Variants in BMPER observed in about 807,000 individuals in gnomAD.
BMPER encodes the protein BMP binding endothelial regulator, also known as BMP-binding endothelial regulator protein.
BMPER carries 45 observed loss-of-function variants against 87.3 expected under a neutral mutation model. The observed-to-expected ratio is 0.52, with a 90% CI of 0.41 to 0.66. The LOEUF (loss-of-function observed/expected upper bound fraction) is 0.66. BMPER is among the 30% of genes least tolerant of loss of function. The pLI is 0.00. For missense variants in BMPER, 784 were observed against 867.5 expected, an observed-to-expected ratio of 0.90 and a Z score of 1.21; for synonymous variants, 326 against 316.2, an observed-to-expected ratio of 1.03 and a Z score of -0.33.
intron 13 of BMPER, among the ~76,000 whole-genome samples, chr7:34,126,229 G>A (rs188626241): frequency 1.3e-5 from 2 of 152,206 alleles, no homozygotes; most frequent in Non-Finnish European, 2.9e-5. Flanking sequence ...TGTTCCAGAT[G>A]ATGAGCATGG....
At chr7:34,139,290 T>C (rs189832957) in intron 13 of BMPER, among the ~76,000 whole-genome samples, 6 of 152,352 alleles carry the variant, frequency 3.9e-5, no homozygotes, top group Admixed American at 1.3e-4. Flanking sequence ...ATCAAGAGGC[T>C]GCCAAAATAC....
chr7:34,126,957 A>G (rs918336508), intron 13 of BMPER, among the ~76,000 whole-genome samples: 2 of 152,254 alleles, frequency 1.3e-5, no homozygotes, highest in African/African-American at 4.8e-5. Context: ...GAGGTACCTT[A>G]CAATGATAGC....
At chr7:34,117,084 A>G (rs1465598165) in intron 13 of BMPER, among the ~76,000 whole-genome samples, 1 of 152,184 alleles carries the variant, frequency 6.6e-6, no homozygotes, top group Non-Finnish European at 1.5e-5. Flanking sequence ...GACAATAACA[A>G]TTATTTAAGG....
rs554470427 is a variant in BMPER at position 33,924,850 on chromosome 7, C to T, written c.220-12439C>T. On this transcript the variant is annotated intron_variant, in intron 2 of 14. Coordinates refer to ENST00000649409, the MANE Select transcript of BMPER (RefSeq NM_001365308.1). ...CTAATTTTTGTATTTTCAGTAGAGA[C>T]GGGGTTTCACCATGTTGCCCAGGCT... 3.0e-3 allele frequency among the ~76,000 whole-genome samples: 464 copies of T among 152,140 alleles called. 1 individual carries two copies. The highest frequency in any genetic ancestry group is 4.1e-3 in the Non-Finnish European group (282 of 67,988).
At chr7:34,098,391 T>C (rs1356484280) in intron 13 of BMPER, among the ~76,000 whole-genome samples, 4 of 152,114 alleles carry the variant, frequency 2.6e-5, no homozygotes, top group Admixed American at 1.3e-4. Context: ...TCTGTAAAAA[T>C]CTGCTTCCTT....
At chr7:34,063,966 C>T (rs911654365) in intron 11 of BMPER, among the ~76,000 whole-genome samples, 33 of 152,322 alleles carry the variant, frequency 2.2e-4, no homozygotes, top group African/African-American at 7.7e-4. Flanking sequence ...TGTTGTCAGG[C>T]AGGATCACTG....
chr7:34,030,375 A>G lies in BMPER; in HGVS notation c.577-15931A>G, dbSNP rs76993342. ...CAGAATATGTTCAAGTGCCATGGCA[A>G]AAGGGTTCTATGGTCAAATAAGTTT... On this transcript the variant is annotated intron_variant, in intron 6 of 14. Coordinates refer to ENST00000649409, the MANE Select transcript of BMPER (RefSeq NM_001365308.1). 1.9e-3 allele frequency among the ~76,000 whole-genome samples: 286 copies of G among 152,234 alleles called. 2 individuals carry two copies. Among genetic ancestry groups the G allele is most frequent in the African/African-American group, 6.5e-3 (269 of 41,578 alleles).
upstream of BMPER, chr7:33,905,419 G>GCCCCCCCCCCCCCC: frequency 3.6e-5 from 4 of 110,380 alleles, no homozygotes; most frequent in Non-Finnish European, 3.6e-5. Flanking sequence ...CTCCCCGGGC[G>GCCCCCCCCCCCCCC]CCCCCACACC....
intron 6 of BMPER, among the ~76,000 whole-genome samples, chr7:34,001,563 C>CTT (rs34700644): frequency 1.4e-5 from 2 of 138,610 alleles, no homozygotes; most frequent in Non-Finnish European, 1.6e-5. Flanking sequence ...AATCTGCTTT[C>CTT]TTTTTTTTTT....
intron 13 of BMPER, among the ~76,000 whole-genome samples, chr7:34,093,014 G>A (rs1789431802): frequency 6.6e-6 from 1 of 152,190 alleles, no homozygotes. Context: ...AGTCCACACA[G>A]GACTACTCTC....
At chr7:33,914,702 A>AT (rs1585630562) in intron 2 of BMPER, among the ~76,000 whole-genome samples, 1 of 152,174 alleles carries the variant, frequency 6.6e-6, no homozygotes, top group Non-Finnish European at 1.5e-5. Flanking sequence ...CTAAATTGAG[A>AT]TTTTAAAAAA....
intron 6 of BMPER, among the ~76,000 whole-genome samples, chr7:33,990,182 A>G (rs2127925077): frequency 6.7e-6 from 1 of 150,360 alleles, no homozygotes; most frequent in African/African-American, 2.4e-5. Flanking sequence ...TGGGGATGGC[A>G]TTGAATCTGT....
At chr7:34,085,655 G>A in intron 12 of BMPER, 101 bp from the exon 13 acceptor site, 3 of 1,144,710 alleles carry the variant, frequency 2.6e-6, no homozygotes, top group Admixed American at 2.0e-5. Flanking sequence ...CTCCTTATTG[G>A]AGGACAGTCA....
chr7:34,036,831 G>A (rs932939856), intron 6 of BMPER, among the ~76,000 whole-genome samples: 1 of 152,056 alleles, frequency 6.6e-6, no homozygotes, highest in African/African-American at 2.4e-5. Flanking sequence ...CTGCCTGAGT[G>A]GAAAGCCTGA....
In BMPER at chr7:34,117,534, G is replaced by A. The variant is rs968345774; in HGVS notation, c.1746-25696G>A. Among the ~76,000 whole-genome samples the A allele has an allele frequency of 3.3e-5, 5 of 152,236 alleles. No homozygotes were observed. In the South Asian group the frequency reaches 8.3e-4, roughly 25 times the overall value. On this transcript the variant is annotated intron_variant, in intron 13 of 14. Transcript: ENST00000649409. ...TCTTGATACGCAGTCTCTCTAGGGA[G>A]AGACCATAAAACCATTATGCTCTCA... is the stretch of plus-strand genomic sequence containing the variant.
intron 13 of BMPER, among the ~76,000 whole-genome samples, chr7:34,108,359 A>C (rs1250046154): frequency 1.3e-5 from 2 of 152,212 alleles, no homozygotes; most frequent in African/African-American, 4.8e-5. Context: ...AACCGGTCTC[A>C]TGAATTGTTC....
chr7:33,950,174 C>G (rs531986958), intron 3 of BMPER, among the ~76,000 whole-genome samples: 1 of 152,224 alleles, frequency 6.6e-6, no homozygotes, highest in Admixed American at 6.5e-5. Flanking sequence ...CTGGTGGTTC[C>G]ATTTTCACTT....
At chr7:34,079,991 A>C (rs1307461626) in intron 12 of BMPER, among the ~76,000 whole-genome samples, 2 of 152,224 alleles carry the variant, frequency 1.3e-5, no homozygotes, top group Non-Finnish European at 2.9e-5. Context: ...CCCAGAGCAT[A>C]AATTCAGCTC....
rs114854629 is a variant in BMPER, at chr7:34,073,025, C to T, written c.1079-5832C>T. 5.7e-3 allele frequency among the ~76,000 whole-genome samples: 862 copies of T among 152,114 alleles called. 6 individuals carry two copies. The highest frequency in any genetic ancestry group is 0.019 in the African/African-American group (808 of 41,490). On this transcript the variant is annotated intron_variant, in intron 11 of 14. Transcript: ENST00000649409. ...TTAATTATTCAGTTAATCGATTAGG[C>T]GATTTTGGTTACCTGCTGTATGTGT...
Sources: allele counts gnomAD v4.1 joint callset (sites outside exome capture counted in the v4.1 genomes callset), GRCh38; gene constraint gnomAD v4.1.1; transcripts MANE v1.5; gene names NCBI Gene and HGNC (gene_info 2026-07-23, HGNC 2026-07-21).